The following MTHFD1L variants were observed in gnomAD, a reference collection of about 807,000 sequenced individuals.
MTHFD1L encodes monofunctional C1-tetrahydrofolate synthase, mitochondrial.
A neutral mutation model predicts 119.5 loss-of-function variants in MTHFD1L; 81 were observed. The observed-to-expected ratio is 0.68, with a 90% CI of 0.57 to 0.82. The LOEUF (loss-of-function observed/expected upper bound fraction) is 0.82. Ranked by LOEUF, MTHFD1L falls within the 40% of genes least tolerant of loss-of-function variation. The pLI is 0.00. For synonymous variants in MTHFD1L, 430 were observed against 475.2 expected (o/e 0.90, Z 1.24); for missense variants, 1,125 against 1,253.4 (o/e 0.90, Z 1.55).
At chr6:150,915,869 G>T (rs1265447385) in intron 8 of MTHFD1L, among the ~76,000 whole-genome samples, 1 of 152,102 alleles carries the variant, frequency 6.6e-6, no homozygotes, top group East Asian at 1.9e-4. Context: ...CTCCCAAAGT[G>T]CTGGGATTAC....
chr6:150,910,242 A>G (rs1304987742), intron 8 of MTHFD1L, among the ~76,000 whole-genome samples: 3 of 151,482 alleles, frequency 2.0e-5, no homozygotes, highest in Non-Finnish European at 2.9e-5. Flanking sequence ...GATTAACCTA[A>G]CTCAAGGACA....
chr6:151,015,041 T>G, intron 23 of MTHFD1L, 61 bp downstream of exon 23: 1 of 1,370,598 alleles, frequency 7.3e-7, no homozygotes, highest in Non-Finnish European at 1.0e-6. Context: ...GTGAACGATA[T>G]TTGTGTCTTG....
chr6:151,037,640 G>T (rs976106236), intron 26 of MTHFD1L, among the ~76,000 whole-genome samples: 11 of 152,282 alleles, frequency 7.2e-5, no homozygotes, highest in Middle Eastern at 3.4e-3. Context: ...GTTGTGATGG[G>T]ATCATGTTGC....
At chr6:150,966,317 A>G (rs1191647638) in intron 19 of MTHFD1L, among the ~76,000 whole-genome samples, 2 of 152,134 alleles carry the variant, frequency 1.3e-5, no homozygotes, top group African/African-American at 4.8e-5. Context: ...GCAGAACAGG[A>G]GAGAGAGGGC....
rs377682447 is a variant in MTHFD1L, at chr6:151,014,871, T to C, written c.2308-9T>C. ...AGGGGTCTGGGTTTTGCTTTTTTCT[T>C]TTTTACAGAACATCCAGCTGGTGGC... On this transcript the variant is annotated splice_polypyrimidine_tract_variant and intron_variant, in intron 22 of 27. Coordinates refer to ENST00000367321, the MANE Select transcript of MTHFD1L (RefSeq NM_015440.5). The C allele has an allele frequency of 2.5e-6, 4 of 1,613,312 alleles. No homozygotes were observed. The highest frequency in any genetic ancestry group is 1.1e-5 in the South Asian group (1 of 90,944).
intron 9 of MTHFD1L, 105 bp from the exon 10 acceptor site, chr6:150,922,100 A>C: frequency 1.2e-6 from 1 of 816,480 alleles, no homozygotes; most frequent in Non-Finnish European, 2.1e-6. Flanking sequence ...GTGCGACTCG[A>C]TAATCTTGTT....
intron 20 of MTHFD1L, among the ~76,000 whole-genome samples, chr6:150,976,902 A>T (rs1776662106): frequency 6.6e-6 from 1 of 152,244 alleles, no homozygotes; most frequent in African/African-American, 2.4e-5. Context: ...ACTGAAAATG[A>T]ACAAATGATT....
chr6:150,900,207 C>G (rs747375978), intron 7 of MTHFD1L, among the ~76,000 whole-genome samples: 1 of 151,798 alleles, frequency 6.6e-6, no homozygotes, highest in Non-Finnish European at 1.5e-5. Flanking sequence ...AGTGAGTCAC[C>G]GGTAGTTCCT....
Position 151,009,869 on chromosome 6 carries a change from A to G in MTHFD1L, c.2176A>G (p.Ile726Val). 3 of 1,613,922 alleles carry G rather than the reference A, an allele frequency of 1.9e-6. No individual in the cohort carries two copies. The highest frequency in any genetic ancestry group is 2.5e-6 in the Non-Finnish European group (3 of 1,179,940). ...CATCGGAATGGAGAAATTCTTCAACATCAAGTGCCGAGCTTCCGGCTTGGT... is the reference window on the plus strand; with the variant it reads ...CATCGGAATGGAGAAATTCTTCAACGTCAAGTGCCGAGCTTCCGGCTTGGT... Reference protein sequence around the residue: ...ADIGMEKFFNIKCRASGLVPN... With the variant: ...ADIGMEKFFNVKCRASGLVPN... The change falls in exon 21 of 28, where the codon ATC becomes GTC. Residue 726 changes from isoleucine to valine, a missense_variant. This residue lies in a region of MTHFD1L where 1,058 missense variants were observed against 1,151.2 expected (regional missense o/e 0.92). Transcript: ENST00000367321.
At chr6:150,966,238 A>G (rs1797196362) in intron 19 of MTHFD1L, among the ~76,000 whole-genome samples, 1 of 152,184 alleles carries the variant, frequency 6.6e-6, no homozygotes, top group Non-Finnish European at 1.5e-5. Flanking sequence ...TACAGGAAGC[A>G]TGGCTGGGGA....
At chr6:150,939,683 C>T (rs373081226) in intron 13 of MTHFD1L, among the ~76,000 whole-genome samples, 24 of 108,420 alleles carry the variant, frequency 2.2e-4, no homozygotes, top group African/African-American at 8.1e-4. Context: ...CTTGCAGACT[C>T]TTTTTTTTTT....
At chr6:150,967,318 C>T (rs1467339519) in intron 19 of MTHFD1L, among the ~76,000 whole-genome samples, 1 of 152,214 alleles carries the variant, frequency 6.6e-6, no homozygotes, top group Non-Finnish European at 1.5e-5. Context: ...TTCAGGAGCA[C>T]CTGGTTCCTC....
intron 26 of MTHFD1L, among the ~76,000 whole-genome samples, chr6:151,037,746 G>A (rs533267890): frequency 8.5e-4 from 129 of 152,326 alleles, no homozygotes; most frequent in Admixed American, 1.0e-3. Flanking sequence ...AATCCATGAA[G>A]ATGGGCTTCA....
rs545226074 is a variant in MTHFD1L, at chr6:150,889,502, A to G, written c.780+1521A>G. On this transcript the variant is annotated intron_variant, in intron 7 of 27. Transcript: ENST00000367321. ...AAGAAGTTCTTAAAAAAGTGAAAAGACAGCTATAGTGTAGAAGATATTTAC... is the reference window on the plus strand; with the variant it reads ...AAGAAGTTCTTAAAAAAGTGAAAAGGCAGCTATAGTGTAGAAGATATTTAC... Among the ~76,000 whole-genome samples the G allele has an allele frequency of 1.9e-4, 29 of 152,364 alleles. 2 individuals are homozygous for G. The South Asian group carries it at 6.0e-3, about 32-fold the overall frequency.
intron 8 of MTHFD1L, among the ~76,000 whole-genome samples, chr6:150,906,887 C>CA (rs1216511770): frequency 1.3e-5 from 2 of 152,012 alleles, no homozygotes; most frequent in African/African-American, 2.4e-5. Context: ...TGGAATGGAA[C>CA]AGAGTCCAAG....
At chr6:150,927,516 G>A (rs1790235689) in intron 11 of MTHFD1L, among the ~76,000 whole-genome samples, 2 of 149,292 alleles carry the variant, frequency 1.3e-5, no homozygotes, top group South Asian at 2.1e-4. Context: ...GGGTGCAGTG[G>A]TGTGATCTCA....
chr6:150,905,882 G>T (rs985408330), intron 8 of MTHFD1L, 121 bp downstream of exon 8: 3 of 762,286 alleles, frequency 3.9e-6, no homozygotes, highest in African/African-American at 3.5e-5. Flanking sequence ...TAATATATAG[G>T]GTAGGAAACT....
chr6:150,982,678 C>T (rs1180595165), intron 20 of MTHFD1L, among the ~76,000 whole-genome samples: 1 of 151,916 alleles, frequency 6.6e-6, no homozygotes, highest in Non-Finnish European at 1.5e-5. Context: ...TTTCTGACCT[C>T]TCCACGTTTG....
At chr6:151,042,381 GT>G (rs1787270901) in intron 26 of MTHFD1L, among the ~76,000 whole-genome samples, 1 of 152,186 alleles carries the variant, frequency 6.6e-6, no homozygotes, top group Non-Finnish European at 1.5e-5. Context: ...GTAAGAGATA[GT>G]TTTTCTAATA....
Sources: allele counts gnomAD v4.1 joint callset (sites outside exome capture counted in the v4.1 genomes callset), GRCh38; gene constraint gnomAD v4.1.1; regional missense constraint gnomAD v4.1.1; transcripts MANE v1.5; gene names NCBI Gene and HGNC (gene_info 2026-07-23, HGNC 2026-07-21).